Variants in CPEB3 observed in about 807,000 individuals in gnomAD.
CPEB3 encodes the protein cytoplasmic polyadenylation element-binding protein 3.
A neutral mutation model predicts 67.2 loss-of-function variants in CPEB3; 20 were observed. That is an observed-to-expected ratio of 0.30 (90% CI 0.21 to 0.43). The LOEUF (loss-of-function observed/expected upper bound fraction) is 0.43, where lower values mean the gene tolerates loss of function less well. Among genes scored for constraint, CPEB3 ranks in the 20% least tolerant of loss-of-function variants. The probability of loss-of-function intolerance (pLI) is 1.00; values close to 1 mark genes in which losing one functional copy is unlikely to be tolerated. For synonymous variants in CPEB3, 376 were observed against 393.1 expected (o/e 0.96, Z 0.51); for missense variants, 746 against 968.6 (o/e 0.77, Z 3.05).
At chr10:92,134,015 T>C (rs1298377236) in intron 6 of CPEB3, among the ~76,000 whole-genome samples, 1 of 152,110 alleles carries the variant, frequency 6.6e-6, no homozygotes, top group Non-Finnish European at 1.5e-5. Context: ...ATGGAACATA[T>C]CTCAAAATAA....
chr10:92,140,071 C>CAAA (rs113444635), intron 6 of CPEB3, among the ~76,000 whole-genome samples: 1 of 114,498 alleles, frequency 8.7e-6, no homozygotes, highest in Non-Finnish European at 1.9e-5. Context: ...GACTCTGTCT[C>CAAA]AAAAAAAAAA....
At chr10:92,216,731 G>GAGTA in intron 2 of CPEB3, 1 of 1,607,832 alleles carries the variant, frequency 6.2e-7, no homozygotes, top group Non-Finnish European at 8.5e-7. Context: ...GCCCCACGAG[G>GAGTA]AGTACCAGGA....
At chr10:92,286,394 G>A (rs899477605) in intron 1 of CPEB3, among the ~76,000 whole-genome samples, 1 of 151,874 alleles carries the variant, frequency 6.6e-6, no homozygotes, top group Non-Finnish European at 1.5e-5. Context: ...AGACCAGCCT[G>A]GGCAACATGG....
chr10:92,113,811 C>T (rs1844868738), intron 6 of CPEB3, among the ~76,000 whole-genome samples: 1 of 125,120 alleles, frequency 8.0e-6, no homozygotes, highest in South Asian at 2.2e-4. Flanking sequence ...CACTTAGGCC[C>T]ATCTCACAGC....
chr10:92,098,647 C>CT (rs1470705796), intron 7 of CPEB3, among the ~76,000 whole-genome samples: 1 of 151,974 alleles, frequency 6.6e-6, no homozygotes, highest in African/African-American at 2.4e-5. Flanking sequence ...TAGAGTTTAA[C>CT]TTTAAATGAT....
In CPEB3 at chr10:92,052,150, G is replaced by GT; in HGVS notation, c.*61dup. The GT allele has an allele frequency of 4.4e-6, 5 of 1,137,180 alleles. No individual in the cohort carries two copies. The South Asian group carries it at 6.5e-5, about 15-fold the overall frequency. The allele number at this position is 1,137,180 out of a possible 1,614,324, so 70.4% of individuals were successfully genotyped here. On this transcript the variant is annotated 3_prime_UTR_variant, in exon 10 of 10. Coordinates refer to ENST00000265997, the MANE Select transcript of CPEB3 (RefSeq NM_014912.5). The stretch of plus-strand genomic sequence containing the variant: ...CCAGAACACTGTAAGCCCTGAGGCA[G>GT]TGCCCTCTCTTTTCCCTCCTTGTTA...
chr10:92,153,772 C>A (rs549956647), intron 4 of CPEB3, among the ~76,000 whole-genome samples: 2 of 152,258 alleles, frequency 1.3e-5, no homozygotes, highest in East Asian at 3.9e-4. Context: ...TGGAGTGAGA[C>A]TCCATCTCAA....
intron 4 of CPEB3, among the ~76,000 whole-genome samples, chr10:92,178,347 C>T (rs1312149078): frequency 6.6e-6 from 1 of 151,894 alleles, no homozygotes; most frequent in Non-Finnish European, 1.5e-5. Flanking sequence ...TTAGTAGAGA[C>T]GGGGTTTCTC....
chr10:92,068,202 T>A (rs1388790830), intron 9 of CPEB3, among the ~76,000 whole-genome samples: 1 of 152,182 alleles, frequency 6.6e-6, no homozygotes, highest in East Asian at 1.9e-4. Context: ...AATGTTTTCA[T>A]GAAACACAGA....
At chr10:92,281,256 C>T (rs1047140994) in intron 1 of CPEB3, among the ~76,000 whole-genome samples, 3 of 150,750 alleles carry the variant, frequency 2.0e-5, no homozygotes, top group Non-Finnish European at 3.0e-5. Context: ...GGTTTTTGGG[C>T]GGGGGTGCAG....
rs1183846045 is a variant in CPEB3, at chr10:92,048,789, T to A, written c.*3423A>T. ...TTGCATTTCAAAAAACTAGACACTTTAGTAACAATATTACAAAGGTTTTAG... is the reference window on the plus strand; with the variant it reads ...TTGCATTTCAAAAAACTAGACACTTAAGTAACAATATTACAAAGGTTTTAG... On this transcript the variant is annotated 3_prime_UTR_variant, in exon 10 of 10. Coordinates refer to ENST00000265997, the MANE Select transcript of CPEB3 (RefSeq NM_014912.5). This position sits in a 1 kb window ranked among gnomAD's most constrained non-coding sequence, Gnocchi z 4.1. 1 of 152,602 alleles carries A rather than the reference T, an allele frequency of 6.6e-6. No individual in the cohort carries two copies. The highest frequency in any genetic ancestry group is 1.5e-5 in the Non-Finnish European group (1 of 68,038). The allele number at this position is 152,602 out of a possible 1,614,324, so 9.5% of individuals were successfully genotyped here. A position where few individuals can be genotyped will look rare whatever the true frequency, so the allele number is the denominator to read the frequency against.
intron 2 of CPEB3, among the ~76,000 whole-genome samples, chr10:92,226,075 C>T (rs1036881436): frequency 1.1e-4 from 17 of 152,086 alleles, no homozygotes; most frequent in Admixed American, 9.8e-4. Flanking sequence ...CCAGCCTGGG[C>T]AACGGAGCGA....
At chr10:92,128,365 G>C (rs1564802453) in intron 6 of CPEB3, among the ~76,000 whole-genome samples, 1 of 152,180 alleles carries the variant, frequency 6.6e-6, no homozygotes, top group Non-Finnish European at 1.5e-5. Context: ...TTTTAAGAAA[G>C]TATACAAATT....
chr10:92,135,308 A>G (rs1846038747), intron 6 of CPEB3, among the ~76,000 whole-genome samples: 1 of 152,240 alleles, frequency 6.6e-6, no homozygotes, highest in Non-Finnish European at 1.5e-5. Context: ...GAACTTAAAC[A>G]AATTTACAAG....
chr10:92,152,797 C>A (rs573959196), intron 4 of CPEB3, among the ~76,000 whole-genome samples: 1 of 152,286 alleles, frequency 6.6e-6, no homozygotes, highest in East Asian at 1.9e-4. Flanking sequence ...TTTATCACAA[C>A]TGTTAAGAAT....
intron 7 of CPEB3, among the ~76,000 whole-genome samples, chr10:92,092,672 C>T (rs1041936973): frequency 6.6e-6 from 1 of 151,928 alleles, no homozygotes; most frequent in Non-Finnish European, 1.5e-5. Flanking sequence ...CCCAGCTACT[C>T]AGGAGGCTGA....
At chr10:92,286,934 A>C (rs1390929834) in intron 1 of CPEB3, among the ~76,000 whole-genome samples, 3 of 152,206 alleles carry the variant, frequency 2.0e-5, no homozygotes, top group East Asian at 1.9e-4. Flanking sequence ...AGAATTATTA[A>C]AATAGTGGTG....
chr10:92,112,163 G>T (rs1590164487), intron 6 of CPEB3, among the ~76,000 whole-genome samples: 2 of 118,054 alleles, frequency 1.7e-5, no homozygotes, highest in Admixed American at 1.1e-4. Flanking sequence ...ATGCAGTCTT[G>T]CTCTGTCACC....
At chr10:92,103,997 G>A (rs935685013) in intron 7 of CPEB3, among the ~76,000 whole-genome samples, 1 of 152,152 alleles carries the variant, frequency 6.6e-6, no homozygotes, top group African/African-American at 2.4e-5. Flanking sequence ...TGAGCTTCAT[G>A]GAATACTAAT....
Sources: allele counts gnomAD v4.1 joint callset (sites outside exome capture counted in the v4.1 genomes callset), GRCh38; gene constraint gnomAD v4.1.1; non-coding constraint Gnocchi (gnomAD v3.1); transcripts MANE v1.5; gene names NCBI Gene and HGNC (gene_info 2026-07-23, HGNC 2026-07-21).